Variants in TAOK3 observed in about 807,000 individuals in gnomAD.
The protein encoded by TAOK3 is TAO kinase 3.
TAOK3 carries 40 observed loss-of-function variants against 120.4 expected under a neutral mutation model. The ratio of observed to expected loss-of-function variants is 0.33; its 90% CI spans 0.26 to 0.43. The LOEUF (loss-of-function observed/expected upper bound fraction) is 0.43, where lower values mean the gene tolerates loss of function less well. TAOK3 is among the 20% of genes least tolerant of loss of function. The pLI, the probability that TAOK3 is intolerant of heterozygous loss-of-function variation, is 1.00. For synonymous variants in TAOK3, 355 were observed against 387.5 expected, an observed-to-expected ratio of 0.92 and a Z score of 0.99; for missense variants, 821 against 1,112.1, an observed-to-expected ratio of 0.74 and a Z score of 3.72.
intron 14 of TAOK3, among the ~76,000 whole-genome samples, chr12:118,182,109 C>T (rs1051921206): frequency 2.0e-5 from 3 of 151,880 alleles, no homozygotes; most frequent in South Asian, 2.1e-4. Context: ...TGCTGGAACC[C>T]GAGAGGCGGA....
At chr12:118,169,000 C>CTTT (rs2035804149) in intron 17 of TAOK3, among the ~76,000 whole-genome samples, 1 of 54,068 alleles carries the variant, frequency 1.8e-5, no homozygotes, top group Non-Finnish European at 4.1e-5. Context: ...TTCCTTCCTT[C>CTTT]CTTTCTTTCT....
intron 1 of TAOK3, among the ~76,000 whole-genome samples, chr12:118,314,213 T>C (rs1318028241): frequency 1.3e-5 from 2 of 152,206 alleles, no homozygotes. Context: ...AAGCTAAGTA[T>C]CTGTAACTCT....
intron 1 of TAOK3, among the ~76,000 whole-genome samples, chr12:118,295,996 A>T (rs1250444627): frequency 6.6e-6 from 1 of 152,208 alleles, no homozygotes; most frequent in African/African-American, 2.4e-5. Flanking sequence ...TCCCCTAGAA[A>T]GTCCTAGGAT....
chr12:118,220,338 T>C (rs2139627769), intron 9 of TAOK3, among the ~76,000 whole-genome samples: 1 of 152,190 alleles, frequency 6.6e-6, no homozygotes, highest in African/African-American at 2.4e-5. Flanking sequence ...CCTAATACTT[T>C]TAAATAAATA....
At chr12:118,269,534 C>G (rs964885939) in intron 1 of TAOK3, among the ~76,000 whole-genome samples, 1 of 151,860 alleles carries the variant, frequency 6.6e-6, no homozygotes, top group Non-Finnish European at 1.5e-5. Flanking sequence ...CCACGCCTGG[C>G]TAATTTTGTA....
At chr12:118,337,511 C>A (rs2044414710) in intron 1 of TAOK3, among the ~76,000 whole-genome samples, 1 of 152,144 alleles carries the variant, frequency 6.6e-6, no homozygotes, top group African/African-American at 2.4e-5. Flanking sequence ...TGGAAACAAC[C>A]CAGATATTCT....
At chr12:118,169,441 C>A (rs2035857224) in intron 17 of TAOK3, among the ~76,000 whole-genome samples, 1 of 150,618 alleles carries the variant, frequency 6.6e-6, no homozygotes, top group Non-Finnish European at 1.5e-5. Context: ...CTCAGCCTCC[C>A]GAGTAGCTGG....
intron 1 of TAOK3, among the ~76,000 whole-genome samples, chr12:118,290,563 C>T (rs1416808099): frequency 5.3e-5 from 8 of 152,088 alleles, no homozygotes; most frequent in African/African-American, 1.9e-4. Context: ...GGACCATAAG[C>T]TGCTTAAGGT....
chr12:118,346,508 A>T (rs914442012), intron 1 of TAOK3, among the ~76,000 whole-genome samples: 2 of 152,252 alleles, frequency 1.3e-5, no homozygotes, highest in Non-Finnish European at 1.5e-5. Flanking sequence ...TTTAGAAAGA[A>T]TAAAACATTT....
intron 1 of TAOK3, among the ~76,000 whole-genome samples, chr12:118,278,038 G>A (rs2041964614): frequency 6.6e-6 from 1 of 151,666 alleles, no homozygotes; most frequent in Non-Finnish European, 1.5e-5. Context: ...ACACAGTCAA[G>A]TTTGGGAACC....
chr12:118,310,207 C>G (rs1467713474), intron 1 of TAOK3, among the ~76,000 whole-genome samples: 1 of 152,176 alleles, frequency 6.6e-6, no homozygotes, highest in African/African-American at 2.4e-5. Context: ...TTCCTTGAGT[C>G]AGGGAGATGG....
At chr12:118,319,355 G>A (rs991420279) in intron 1 of TAOK3, among the ~76,000 whole-genome samples, 11 of 152,106 alleles carry the variant, frequency 7.2e-5, no homozygotes, top group African/African-American at 2.4e-4. Context: ...ATCAAAGGAC[G>A]CTATCAAGAG....
chr12:118,280,559 T>C (rs952085781), intron 1 of TAOK3, among the ~76,000 whole-genome samples: 3 of 152,206 alleles, frequency 2.0e-5, no homozygotes, highest in Non-Finnish European at 4.4e-5. Context: ...TCTATGTGTC[T>C]GTTTTTGTAC....
intron 9 of TAOK3, among the ~76,000 whole-genome samples, chr12:118,224,235 A>C (rs1018274178): frequency 6.6e-6 from 1 of 152,248 alleles, no homozygotes; most frequent in African/African-American, 2.4e-5. Flanking sequence ...TTACTAGGCC[A>C]TGGTATCTCT....
chr12:118,333,070 G>C (rs898054861), intron 1 of TAOK3, among the ~76,000 whole-genome samples: 12 of 151,942 alleles, frequency 7.9e-5, no homozygotes, highest in African/African-American at 2.9e-4. Context: ...CTCAGCAATT[G>C]ATAGAATTAC....
chr12:118,233,638 A>T (rs2039884869), intron 9 of TAOK3, 36 bp downstream of exon 9: 3 of 1,463,452 alleles, frequency 2.0e-6, no homozygotes, highest in Non-Finnish European at 1.9e-6. Context: ...ATAGAATTTT[A>T]AAAAATACAA....
chr12:118,344,183 G>A (rs939232004), intron 1 of TAOK3, among the ~76,000 whole-genome samples: 1 of 148,944 alleles, frequency 6.7e-6, no homozygotes, highest in Non-Finnish European at 1.5e-5. Flanking sequence ...AGCCCCTAAT[G>A]TATTGAGTCC....
chr12:118,241,569 A>G (rs1009096862), intron 5 of TAOK3, among the ~76,000 whole-genome samples: 2 of 152,212 alleles, frequency 1.3e-5, no homozygotes, highest in African/African-American at 4.8e-5. Flanking sequence ...CTATTATTCT[A>G]TAACACAAAG....
At chr12:118,291,145 C>T (rs149940752) in intron 1 of TAOK3, among the ~76,000 whole-genome samples, 1,797 of 150,918 alleles carry the variant, frequency 0.012, 16 homozygotes, top group Middle Eastern at 0.021. Flanking sequence ...AGTGAGCCAC[C>T]GCGCCCGGCC....
Sources: gnomAD v4.1 joint callset for allele counts (sites outside exome capture counted in the v4.1 genomes callset) on GRCh38, gnomAD v4.1.1 for gene constraint, MANE v1.5 for transcripts, NCBI Gene and HGNC (gene_info 2026-07-23, HGNC 2026-07-21) for gene names.